The following ZSWIM7 variants were observed in gnomAD, a reference collection of about 807,000 sequenced individuals.
The protein encoded by ZSWIM7 is zinc finger SWIM domain-containing protein 7.
ZSWIM7 carries 22 observed loss-of-function variants against 21.1 expected under a neutral mutation model. The ratio of observed to expected loss-of-function variants is 1.04; its 90% confidence interval spans 0.74 to 1.49. ZSWIM7 has a LOEUF of 1.49. Ranked by LOEUF, ZSWIM7 falls within the 40% of genes most tolerant of loss-of-function variation. The pLI is 0.00. For synonymous variants in ZSWIM7, 67 were observed against 66.5 expected (o/e 1.01, Z -0.04); for missense variants, 193 against 168.0 (o/e 1.15, Z -0.82).
chr17:15,994,097 C>T (rs1049648961), intron 1 of ZSWIM7, among the ~76,000 whole-genome samples: 15 of 152,170 alleles, frequency 9.9e-5, no homozygotes, highest in African/African-American at 3.6e-4. Context: ...TACAGGCATG[C>T]ACTACCATGC....
chr17:15,980,979 A>G (rs745592073), intron 4 of ZSWIM7, 61 bp downstream of exon 4: 240 of 1,310,496 alleles, frequency 1.8e-4, no homozygotes, highest in Non-Finnish European at 2.4e-4. Context: ...GTTAAACCAC[A>G]AAGTAAGGGC....
At position 15,999,674 on chromosome 17, in the gene ZSWIM7, G is replaced by C; in HGVS notation, c.-80C>G. 17 of 1,560,392 alleles carry C rather than the reference G, an allele frequency of 1.1e-5. No homozygotes were observed. The highest frequency in any genetic ancestry group is 1.5e-5 in the Non-Finnish European group (17 of 1,153,206). On this transcript the variant is annotated 5_prime_UTR_variant, in exon 1 of 5. Transcript: ENST00000399277. ...ACTGCGCCTACCTGTGGAGGATCCT[G>C]ACCCCCCGCCGGGGCAGGGCGAGAC...
intron 4 of ZSWIM7, among the ~76,000 whole-genome samples, chr17:15,978,525 G>C (rs1031934177): frequency 3.9e-5 from 6 of 152,214 alleles, no homozygotes; most frequent in Admixed American, 2.6e-4. Flanking sequence ...TTGAACCCAG[G>C]AGGTGGAGGT....
At chr17:15,998,006 C>G (rs1970581932) in intron 1 of ZSWIM7, among the ~76,000 whole-genome samples, 1 of 151,954 alleles carries the variant, frequency 6.6e-6, no homozygotes, top group Non-Finnish European at 1.5e-5. Flanking sequence ...GAGGCTGAGG[C>G]AGGAGAATCA....
chr17:15,982,329 T>C (rs1390459671), intron 3 of ZSWIM7, among the ~76,000 whole-genome samples: 1 of 152,178 alleles, frequency 6.6e-6, no homozygotes, highest in African/African-American at 2.4e-5. Flanking sequence ...CGTAAGATTA[T>C]TATTAGTATC....
chr17:15,999,389 G>A (rs762636670), intron 1 of ZSWIM7, 130 bp downstream of exon 1: 11 of 1,165,134 alleles, frequency 9.4e-6, no homozygotes, highest in African/African-American at 3.1e-5. Flanking sequence ...ACGAACAAGA[G>A]GTTTAGAGAA....
In ZSWIM7 at chr17:15,999,578, G is replaced by C. The variant is rs761435515; in HGVS notation, c.17C>G (p.Pro6Arg). Residue 6 changes from proline to arginine, a missense_variant, in exon 1 of 5, where the codon CCG becomes CGG. By Grantham distance (103) the Pro-to-Arg change is moderately radical (BLOSUM62 -2). Coordinates refer to ENST00000399277, the MANE Select transcript of ZSWIM7 (RefSeq NM_001042697.2). MAVVL[P>R]AVVEELLSEM... ...GCTCAGGAGCTCCTCCACAACCGCC[G>C]GCAACACTACGGCCATCGCGCCGCA... 1.0e-5 allele frequency: 16 copies of C among 1,589,592 alleles called. No individual in the cohort carries two copies. Among genetic ancestry groups the C allele is most frequent in the East Asian group, 2.3e-5 (1 of 43,612 alleles).
intron 2 of ZSWIM7, among the ~76,000 whole-genome samples, chr17:15,990,063 A>G (rs1391125370): frequency 1.3e-5 from 2 of 152,002 alleles, no homozygotes; most frequent in African/African-American, 4.8e-5. Context: ...TACTAAAAAT[A>G]CAAAAAATTA....
intron 3 of ZSWIM7, among the ~76,000 whole-genome samples, chr17:15,985,466 ATG>A (rs1298831319): frequency 6.6e-6 from 1 of 152,212 alleles, no homozygotes; most frequent in Non-Finnish European, 1.5e-5. Context: ...CTAAGGCAGT[ATG>A]TGACTCAACT....
chr17:15,991,938 T>G (rs183633796), intron 2 of ZSWIM7, among the ~76,000 whole-genome samples: 1,510 of 149,304 alleles, frequency 0.01, 41 homozygotes, highest in Admixed American at 0.018. Flanking sequence ...GTTTTGTTTT[T>G]TTTTTGAGAC....
chr17:15,982,482 C>T (rs945595145), intron 3 of ZSWIM7, among the ~76,000 whole-genome samples: 3 of 152,032 alleles, frequency 2.0e-5, no homozygotes, highest in Non-Finnish European at 4.4e-5. Flanking sequence ...TTTTGAATTA[C>T]AATGTTAGCA....
At chr17:15,978,621 G>C (rs923085505) in intron 4 of ZSWIM7, among the ~76,000 whole-genome samples, 2 of 152,130 alleles carry the variant, frequency 1.3e-5, no homozygotes, top group Admixed American at 6.6e-5. Flanking sequence ...AAAAACTGCA[G>C]ATAAAGATGA....
chr17:15,993,645 C>T (rs561540615), intron 2 of ZSWIM7, 112 bp downstream of exon 2: 7 of 810,688 alleles, frequency 8.6e-6, no homozygotes, highest in Admixed American at 2.5e-5. Context: ...GGATTATAGG[C>T]GTGAGCCACT....
chr17:15,997,094 G>C (rs1465188393), intron 1 of ZSWIM7, among the ~76,000 whole-genome samples: 3 of 151,282 alleles, frequency 2.0e-5, no homozygotes, highest in South Asian at 4.2e-4. Context: ...AGCCTAGGAG[G>C]TCAAAGCTAC....
At chr17:15,983,944 C>T (rs1970383400) in intron 3 of ZSWIM7, among the ~76,000 whole-genome samples, 1 of 152,106 alleles carries the variant, frequency 6.6e-6, no homozygotes. Context: ...TTTCTTCTCC[C>T]TTTAGTTATC....
intron 1 of ZSWIM7, among the ~76,000 whole-genome samples, chr17:15,996,172 G>A (rs965246065): frequency 1.3e-5 from 2 of 152,058 alleles, no homozygotes; most frequent in African/African-American, 2.4e-5. Context: ...GCATGGTGGC[G>A]CATGCCTGTA....
intron 3 of ZSWIM7, among the ~76,000 whole-genome samples, chr17:15,986,276 T>C (rs1235722732): frequency 6.6e-6 from 1 of 152,020 alleles, no homozygotes; most frequent in East Asian, 1.9e-4. Context: ...ACTCCTGACC[T>C]CAGGTGATCC....
Position 15,993,931 on chromosome 17 carries a change from A to G in ZSWIM7, c.77-153T>C. 4 of 544,500 alleles carry G rather than the reference A, an allele frequency of 7.3e-6. No homozygotes were observed. The South Asian group carries it at 9.2e-5, about 12-fold the overall frequency. 33.7% of individuals were successfully genotyped at this position (544,500 alleles called of 1,614,324 possible). A position where few individuals can be genotyped will look rare whatever the true frequency, so the allele number is the denominator to read the frequency against. On this transcript the variant is annotated intron_variant, in intron 1 of 4. Transcript: ENST00000399277. ...TTTTACTCCTTCCCCAAACCCCACT[A>G]AAACCATAATAAAAGGATTTCCTTT...
chr17:15,993,296 G>A (rs1278010436), intron 2 of ZSWIM7, among the ~76,000 whole-genome samples: 2 of 152,088 alleles, frequency 1.3e-5, no homozygotes, highest in Admixed American at 1.3e-4. Context: ...AAAGTGCTGA[G>A]ATTACATGTG....
Sources: allele counts gnomAD v4.1 joint callset (sites outside exome capture counted in the v4.1 genomes callset), GRCh38; gene constraint gnomAD v4.1.1; transcripts MANE v1.5; gene names NCBI Gene and HGNC (gene_info 2026-07-23, HGNC 2026-07-21).